MAPK4: variants seen among roughly 807,000 people sequenced by gnomAD.
MAPK4 encodes Erk3-related.
In MAPK4, 22 loss-of-function variants were observed where a neutral mutation model predicts 47.7. The observed-to-expected ratio is 0.46, with a 90% confidence interval of 0.33 to 0.66. MAPK4 has a LOEUF of 0.66. Ranked by LOEUF, MAPK4 falls within the 30% of genes least tolerant of loss-of-function variation. The pLI, the probability that MAPK4 is intolerant of heterozygous loss-of-function variation, is 0.02. For synonymous variants in MAPK4, 390 were observed against 365.7 expected (o/e 1.07, Z -0.76); for missense variants, 736 against 831.7 (o/e 0.88, Z 1.42).
chr18:50,602,876 G>A (rs959776116), intron 1 of MAPK4, among the ~76,000 whole-genome samples: 1 of 152,092 alleles, frequency 6.6e-6, no homozygotes, highest in Admixed American at 6.5e-5. Context: ...GACCTCTGGT[G>A]CCTGAGTCCC....
chr18:50,675,523 C>A (rs1908214078), intron 2 of MAPK4, among the ~76,000 whole-genome samples: 1 of 151,870 alleles, frequency 6.6e-6, no homozygotes, highest in East Asian at 1.9e-4. Flanking sequence ...GACAGGGTTT[C>A]ACTCTGTTGC....
At position 50,721,973 on chromosome 18, in the gene MAPK4, G is replaced by A; in HGVS notation, c.727G>A (p.Glu243Lys). The change falls in exon 4 of 6, where the codon GAG becomes AAG. Residue 243 changes from glutamate to lysine, a missense_variant. Glu to Lys is a moderately conservative substitution (Grantham distance 56, BLOSUM62 1). Coordinates refer to ENST00000400384, the MANE Select transcript of MAPK4 (RefSeq NM_002747.4). Reference sequence around the variant, plus strand: ...GCTGGAGCAGATGCAACTCATCCTGGAGACCATCCCTGTAATCCGGGAGGA... The same window carrying A: ...GCTGGAGCAGATGCAACTCATCCTGAAGACCATCCCTGTAATCCGGGAGGA... ...HELEQMQLIL[E>K]TIPVIREEDK... 1 of 1,614,114 alleles carries A rather than the reference G, an allele frequency of 6.2e-7. No homozygotes were observed. Among genetic ancestry groups the A allele is most frequent in the Non-Finnish European group, 8.5e-7 (1 of 1,180,016 alleles).
Position 50,729,148 on chromosome 18 carries a change from AC to A in MAPK4, c.1068-7del. The A allele has an allele frequency of 6.4e-7, 1 of 1,558,022 alleles. No homozygotes were observed. On this transcript the variant is annotated splice_polypyrimidine_tract_variant and intron_variant, in intron 5 of 5. Transcript: ENST00000400384. ...GGCATCCAATCACCGCTCTGTTTGT[AC>A]CCTTGCAGGTACCCTGTGAGCCTGT...
chr18:50,648,404 G>A (rs921061231), intron 1 of MAPK4, among the ~76,000 whole-genome samples: 1 of 152,122 alleles, frequency 6.6e-6, no homozygotes, highest in Non-Finnish European at 1.5e-5. Context: ...TGTGTGAGAA[G>A]CTTGTGTGTG....
intron 1 of MAPK4, among the ~76,000 whole-genome samples, chr18:50,597,897 A>T (rs1205710076): frequency 6.6e-6 from 1 of 152,214 alleles, no homozygotes; most frequent in African/African-American, 2.4e-5. Context: ...CTCTGAAAAT[A>T]TATAAAAGTG....
At chr18:50,717,043 C>T (rs575154649) in intron 3 of MAPK4, among the ~76,000 whole-genome samples, 3 of 152,294 alleles carry the variant, frequency 2.0e-5, no homozygotes, top group Admixed American at 6.5e-5. Context: ...TTGGCACCTA[C>T]GTCATGGCCT....
intron 1 of MAPK4, among the ~76,000 whole-genome samples, chr18:50,622,210 C>T (rs2042738398): frequency 6.6e-6 from 1 of 152,140 alleles, no homozygotes; most frequent in South Asian, 2.1e-4. Context: ...ATCACACGTG[C>T]TGGTGGGTTC....
At chr18:50,616,710 C>A (rs2042687906) in intron 1 of MAPK4, among the ~76,000 whole-genome samples, 1 of 152,206 alleles carries the variant, frequency 6.6e-6, no homozygotes, top group South Asian at 2.1e-4. Context: ...GCTGAAGAAC[C>A]TGGAGTCTGA....
At chr18:50,687,622 A>C (rs1398564996) in intron 2 of MAPK4, among the ~76,000 whole-genome samples, 1 of 152,136 alleles carries the variant, frequency 6.6e-6, no homozygotes, top group Non-Finnish European at 1.5e-5. Flanking sequence ...TAGGAAATGG[A>C]TGCTTCCATT....
At chr18:50,571,687 A>AT (rs1164065904) in intron 1 of MAPK4, among the ~76,000 whole-genome samples, 6 of 152,196 alleles carry the variant, frequency 3.9e-5, no homozygotes, top group African/African-American at 1.4e-4. Flanking sequence ...CAAATTTTCC[A>AT]TTTATGTGGA....
chr18:50,687,007 A>T (rs1055550605), intron 2 of MAPK4, among the ~76,000 whole-genome samples: 7 of 152,250 alleles, frequency 4.6e-5, no homozygotes, highest in African/African-American at 1.7e-4. Context: ...ATGATATGTA[A>T]TTCACATACA....
chr18:50,627,064 C>A (rs2042785273), intron 1 of MAPK4, among the ~76,000 whole-genome samples: 1 of 127,962 alleles, frequency 7.8e-6, no homozygotes, highest in South Asian at 3.0e-4. Context: ...CCCGCCCACT[C>A]ATCTTGGCCA....
intron 2 of MAPK4, among the ~76,000 whole-genome samples, chr18:50,682,144 A>G (rs1335599879): frequency 6.6e-6 from 1 of 152,168 alleles, no homozygotes. Flanking sequence ...CTGGAATTAG[A>G]TAGTAGTGAT....
intron 2 of MAPK4, among the ~76,000 whole-genome samples, chr18:50,670,567 G>A (rs1470709650): frequency 6.6e-6 from 1 of 152,052 alleles, no homozygotes; most frequent in African/African-American, 2.4e-5. Flanking sequence ...GACCAGCCTG[G>A]CCAACATGGT....
Position 50,663,745 on chromosome 18 carries a change from A to G in MAPK4, c.-214A>G. 2.0e-6 allele frequency: 1 copy of G among 491,206 alleles called. No individual in the cohort carries two copies. The allele number at this position is 491,206 out of a possible 1,614,324, so 30.4% of individuals were successfully genotyped here. ...CCCTCCCAATGCAGGTTAAGACGAC[A>G]GCCTGCGCCCCCAACTAGCACAGCT... is the stretch of plus-strand genomic sequence containing the variant. On this transcript the variant is annotated 5_prime_UTR_variant, in exon 2 of 6. Coordinates refer to ENST00000400384, the MANE Select transcript of MAPK4 (RefSeq NM_002747.4).
At chr18:50,595,202 A>G (rs900595323) in intron 1 of MAPK4, among the ~76,000 whole-genome samples, 1 of 152,216 alleles carries the variant, frequency 6.6e-6, no homozygotes, top group South Asian at 2.1e-4. Flanking sequence ...ACTCTTAGTT[A>G]CACAAGAGAA....
chr18:50,666,198 G>C (rs958004082), intron 2 of MAPK4, among the ~76,000 whole-genome samples: 1 of 152,202 alleles, frequency 6.6e-6, no homozygotes, highest in Non-Finnish European at 1.5e-5. Flanking sequence ...ATGGTTTATT[G>C]TGGCGTAAAC....
intron 1 of MAPK4, among the ~76,000 whole-genome samples, chr18:50,607,647 G>C (rs890834930): frequency 6.6e-6 from 1 of 152,220 alleles, no homozygotes; most frequent in African/African-American, 2.4e-5. Flanking sequence ...GCCACGTGGT[G>C]ATTGGCAGAT....
intron 2 of MAPK4, among the ~76,000 whole-genome samples, chr18:50,696,711 C>T (rs1235581364): frequency 6.6e-6 from 1 of 152,148 alleles, no homozygotes; most frequent in Non-Finnish European, 1.5e-5. Flanking sequence ...TTTTTAACAG[C>T]GTAACTTGTT....
Sources: allele counts gnomAD v4.1 joint callset (sites outside exome capture counted in the v4.1 genomes callset), GRCh38; gene constraint gnomAD v4.1.1; transcripts MANE v1.5; gene names NCBI Gene and HGNC (gene_info 2026-07-23, HGNC 2026-07-21).